The following GOLGA5 variants were observed in gnomAD, a reference collection of about 807,000 sequenced individuals.
GOLGA5 encodes golgin subfamily A member 5.
A neutral mutation model predicts 93.5 loss-of-function variants in GOLGA5; 50 were observed. The ratio of observed to expected loss-of-function variants is 0.53; its 90% confidence interval spans 0.43 to 0.68. The LOEUF is 0.68. GOLGA5 is among the 30% of genes least tolerant of loss of function. The pLI is 0.00. For missense variants in GOLGA5, 760 were observed against 856.4 expected, an observed-to-expected ratio of 0.89 and a Z score of 1.40; for synonymous variants, 312 against 304.5, an observed-to-expected ratio of 1.02 and a Z score of -0.26.
intron 10 of GOLGA5, among the ~76,000 whole-genome samples, chr14:92,833,707 G>A (rs1057093043): frequency 6.6e-6 from 1 of 152,124 alleles, no homozygotes; most frequent in Non-Finnish European, 1.5e-5. Flanking sequence ...GGGTATTAGA[G>A]CTAATACATA....
chr14:92,819,924 T>C lies in GOLGA5; in HGVS notation c.1620+88T>C. On this transcript the variant is annotated intron_variant, in intron 8 of 12. Transcript: ENST00000163416. The stretch of plus-strand genomic sequence containing the variant: ...CCCAGGAAAGCAGCTTACTGAAATT[T>C]TTAGAGTATGGGCTTAGGGTTACCC... 3.0e-6 allele frequency: 4 copies of C among 1,337,930 alleles called. No individual in the cohort carries two copies. In the African/African-American group the frequency reaches 5.1e-5, roughly 17 times the overall value. The allele number at this position is 1,337,930 out of a possible 1,614,324, so 82.9% of individuals were successfully genotyped here.
Position 92,833,171 on chromosome 14 carries a change from G to A in GOLGA5, c.1769G>A (p.Arg590Gln), listed in dbSNP as rs375552804. The A allele has an allele frequency of 2.5e-5, 41 of 1,612,964 alleles. No individual in the cohort carries two copies. In the African/African-American group the frequency reaches 3.3e-4, roughly 13 times the overall value. ...AGCAGTCAGTCTGAGTTAGAAAATC[G>A]ACTCCATCAGCTAACAGAGACTCTC... ...SNSSQSELEN[R>Q]LHQLTETLIQ... The change falls in exon 10 of 13, where the codon CGA becomes CAA. Residue 590 changes from arginine to glutamine, a missense_variant. By Grantham distance (43) the Arg-to-Gln change is conservative. Coordinates refer to ENST00000163416, the MANE Select transcript of GOLGA5 (RefSeq NM_005113.4).
At chr14:92,812,800 C>A (rs1052582054) in intron 6 of GOLGA5, among the ~76,000 whole-genome samples, 18 of 152,172 alleles carry the variant, frequency 1.2e-4, no homozygotes, top group Admixed American at 9.8e-4. Flanking sequence ...GGGCGCTCTT[C>A]CCAATCTCCA....
chr14:92,797,124 TAGC>T (rs1032980569), intron 1 of GOLGA5, among the ~76,000 whole-genome samples: 10 of 151,614 alleles, frequency 6.6e-5, no homozygotes, highest in African/African-American at 2.2e-4. Flanking sequence ...ATAATGGTAA[TAGC>T]AGCCACTAAA....
intron 7 of GOLGA5, among the ~76,000 whole-genome samples, chr14:92,817,176 A>G (rs1885228174): frequency 6.6e-6 from 1 of 152,004 alleles, no homozygotes; most frequent in African/African-American, 2.4e-5. Context: ...CCTGACCTCA[A>G]GTGATCCGCC....
chr14:92,837,355 TCCTCTCC>T, intron 11 of GOLGA5, 24 bp from the exon 12 acceptor site: 2 of 1,122,592 alleles, frequency 1.8e-6, no homozygotes, highest in Non-Finnish European at 2.7e-6. Context: ...CTCTTCTCTC[TCCTCTCC>T]CCCTCACACC....
chr14:92,799,384 C>T (rs1335720778), intron 2 of GOLGA5, among the ~76,000 whole-genome samples: 2 of 148,164 alleles, frequency 1.3e-5, no homozygotes, highest in African/African-American at 5.1e-5. Context: ...TCATGCCATT[C>T]TCCTGCCTCA....
intron 10 of GOLGA5, 110 bp from the exon 11 acceptor site, chr14:92,835,449 G>GAA (rs1290031553): frequency 6.4e-6 from 4 of 622,592 alleles, no homozygotes; most frequent in African/African-American, 3.6e-5. Context: ...GTGATGCTTA[G>GAA]AAAGTTGCCC....
intron 2 of GOLGA5, among the ~76,000 whole-genome samples, chr14:92,803,345 A>G (rs1196106505): frequency 1.3e-5 from 2 of 152,176 alleles, no homozygotes; most frequent in Non-Finnish European, 2.9e-5. Flanking sequence ...TTTTGCATTT[A>G]TTTTATAAGC....
chr14:92,839,569 C>CTT lies in GOLGA5; in HGVS notation c.*127_*128dup, dbSNP rs1177828121. On this transcript the variant is annotated 3_prime_UTR_variant, in exon 13 of 13. Coordinates refer to ENST00000163416, the MANE Select transcript of GOLGA5 (RefSeq NM_005113.4). ...TTATTTTATCACTACAAGCTTTTAA[C>CTT]TTTTTAAGTTATTGTACAAGTATTC... The CTT allele has an allele frequency of 1.1e-5, 7 of 634,806 alleles. No individual in the cohort carries two copies. The highest frequency in any genetic ancestry group is 2.0e-5 in the Non-Finnish European group (7 of 358,372). 39.3% of individuals were successfully genotyped at this position (634,806 alleles called of 1,614,324 possible). A position where few individuals can be genotyped will look rare whatever the true frequency, so the allele number is the denominator to read the frequency against.
Position 92,839,722 on chromosome 14 carries a change from G to C in GOLGA5, c.*276G>C, listed in dbSNP as rs1038287274. 1 of 490,896 alleles carries C rather than the reference G, an allele frequency of 2.0e-6. No individual in the cohort carries two copies. The highest frequency in any genetic ancestry group is 2.9e-5 in the South Asian group (1 of 34,030). 30.4% of individuals were successfully genotyped at this position (490,896 alleles called of 1,614,324 possible). A position where few individuals can be genotyped will look rare whatever the true frequency, so the allele number is the denominator to read the frequency against. On this transcript the variant is annotated 3_prime_UTR_variant, in exon 13 of 13. Coordinates refer to ENST00000163416, the MANE Select transcript of GOLGA5 (RefSeq NM_005113.4). ...ATATGTAGAGAAAGATGGTGGGGTT[G>C]TTCACCTCTGTACAGACCATCTGTA...
chr14:92,815,566 A>G (rs1470065917), intron 6 of GOLGA5, among the ~76,000 whole-genome samples: 1 of 152,108 alleles, frequency 6.6e-6, no homozygotes, highest in Non-Finnish European at 1.5e-5. Context: ...GCCAGGTGTG[A>G]TGGCTCACTC....
rs1338531580 is a variant in GOLGA5 at position 92,811,541 on chromosome 14, T to G, written c.1117-10T>G. 6.4e-7 allele frequency: 1 copy of G among 1,568,330 alleles called. No homozygotes were observed. Among genetic ancestry groups the G allele is most frequent in the Admixed American group, 1.7e-5 (1 of 59,798 alleles). ...GATATCATTAATTATGATATAAAAA[T>G]TTGTCACAGAGCGAGTTTGCTGCAC... On this transcript the variant is annotated splice_polypyrimidine_tract_variant and intron_variant, in intron 5 of 12. Transcript: ENST00000163416.
chr14:92,817,688 ACT>A (rs1189588436), intron 7 of GOLGA5, among the ~76,000 whole-genome samples: 2 of 152,092 alleles, frequency 1.3e-5, no homozygotes, highest in African/African-American at 2.4e-5. Context: ...CCATGCATTA[ACT>A]CTGCACATTG....
chr14:92,823,280 G>C (rs993723431), intron 8 of GOLGA5, among the ~76,000 whole-genome samples: 1 of 151,816 alleles, frequency 6.6e-6, no homozygotes, highest in Non-Finnish European at 1.5e-5. Context: ...ATCTGCTTCT[G>C]GACTTTTGTT....
At chr14:92,807,754 A>G in intron 3 of GOLGA5, among the ~76,000 whole-genome samples, 1 of 152,222 alleles carries the variant, frequency 6.6e-6, no homozygotes, top group East Asian at 1.9e-4. Context: ...TAAGAAGGAA[A>G]TAATCTCATT....
At position 92,835,665 on chromosome 14, in the gene GOLGA5, G is replaced by T; in HGVS notation, c.2051+1G>T. 6.3e-7 allele frequency: 1 copy of T among 1,577,470 alleles called. No individual in the cohort carries two copies. The highest frequency in any genetic ancestry group is 8.7e-7 in the Non-Finnish European group (1 of 1,146,776). On this transcript the variant is annotated splice_donor_variant, in intron 11 of 12. Transcript: ENST00000163416. LOFTEE classifies it high-confidence loss of function. ...CTGCTAGTTCAATTGATCAGTTTAG[G>T]TAAGCAATGCCAGTAGGGATGAGTG...
chr14:92,839,472 G>A lies in GOLGA5; in HGVS notation c.*26G>A. On this transcript the variant is annotated 3_prime_UTR_variant, in exon 13 of 13. Coordinates refer to ENST00000163416, the MANE Select transcript of GOLGA5 (RefSeq NM_005113.4). ...ACCAAGCCCAGTTGTTGCAGTGATT[G>A]GTTGTCTTTTTCTAGACTTGGGATC... The A allele has an allele frequency of 6.6e-7, 1 of 1,526,562 alleles. No individual in the cohort carries two copies. Among genetic ancestry groups the A allele is most frequent in the African/African-American group, 1.4e-5 (1 of 73,522 alleles). The allele number at this position is 1,526,562 out of a possible 1,614,324, so 94.6% of individuals were successfully genotyped here. A position where few individuals can be genotyped will look rare whatever the true frequency, so the allele number is the denominator to read the frequency against.
chr14:92,809,249 G>A (rs755744304), intron 3 of GOLGA5, 51 bp from the exon 4 acceptor site: 180 of 1,286,956 alleles, frequency 1.4e-4, no homozygotes, highest in Non-Finnish European at 1.8e-5. Flanking sequence ...CGTGCTCTGA[G>A]AAAAATGTGT....
Sources: allele counts gnomAD v4.1 joint callset (sites outside exome capture counted in the v4.1 genomes callset), GRCh38; gene constraint gnomAD v4.1.1; transcripts MANE v1.5; gene names NCBI Gene and HGNC (gene_info 2026-07-23, HGNC 2026-07-21).